Variants in SMYD1 observed in about 807,000 individuals in gnomAD.
The protein encoded by SMYD1 is histone-lysine N-methyltransferase SMYD1.
SMYD1 carries 49 observed loss-of-function variants against 54.0 expected under a neutral mutation model. The observed-to-expected ratio is 0.91, with a 90% confidence interval of 0.72 to 1.15. The LOEUF is 1.15. SMYD1 is among the 50% of genes most tolerant of loss of function. The probability of loss-of-function intolerance (pLI) is 0.00; values close to 1 mark genes in which losing one functional copy is unlikely to be tolerated. For synonymous variants in SMYD1, 269 were observed against 234.2 expected (o/e 1.15, Z -1.36); for missense variants, 653 against 639.6 (o/e 1.02, Z -0.23).
chr2:88,093,824 C>T (rs1041534318), intron 5 of SMYD1, among the ~76,000 whole-genome samples: 9 of 152,164 alleles, frequency 5.9e-5, no homozygotes, highest in African/African-American at 2.2e-4. Flanking sequence ...GAAGCATGAA[C>T]CCTTGTAGTC....
chr2:88,110,219 G>GTA (rs1674983456), intron 9 of SMYD1, 135 bp from the exon 10 acceptor site: 1 of 841,396 alleles, frequency 1.2e-6, no homozygotes, highest in East Asian at 2.7e-5. Context: ...GTGTGTGTGT[G>GTA]TGTGTGTGTG....
rs1465055852 is a variant in SMYD1 at position 88,111,853 on chromosome 2, C to T, written c.*1341C>T. The T allele has an allele frequency of 3.8e-5, 19 of 502,576 alleles. No homozygotes were observed. Among genetic ancestry groups the T allele is most frequent in the South Asian group, 3.2e-5 (1 of 31,456 alleles). 31.1% of individuals were successfully genotyped at this position (502,576 alleles called of 1,614,324 possible). ...CCTTCAGTTTGGGGTGTCACCAAGA[C>T]TTCTACACAACCCAGGACTACCATT... is the stretch of plus-strand genomic sequence containing the variant. On this transcript the variant is annotated 3_prime_UTR_variant, in exon 10 of 10. Transcript: ENST00000419482.
At chr2:88,107,953 C>T (rs897532705) in intron 8 of SMYD1, among the ~76,000 whole-genome samples, 1 of 152,240 alleles carries the variant, frequency 6.6e-6, no homozygotes, top group Non-Finnish European at 1.5e-5. Context: ...CACTGTCCTG[C>T]ACCCACTGTC....
intron 1 of SMYD1, among the ~76,000 whole-genome samples, chr2:88,076,772 T>G (rs1674076030): frequency 6.6e-6 from 1 of 152,154 alleles, no homozygotes; most frequent in Non-Finnish European, 1.5e-5. Context: ...TTTGGGAAGC[T>G]GAGGCAGGCG....
chr2:88,082,505 C>T (rs1674221732), intron 1 of SMYD1: 1 of 154,258 alleles, frequency 6.5e-6, no homozygotes. Flanking sequence ...CTATCCCCTT[C>T]CAGATGCCAT....
At chr2:88,109,244 G>A (rs186339101) in intron 9 of SMYD1, among the ~76,000 whole-genome samples, 209 of 134,328 alleles carry the variant, frequency 1.6e-3, no homozygotes, top group African/African-American at 5.6e-3. Context: ...CTGAGGAAGC[G>A]TAAACAATGG....
rs1675054439 is a variant in SMYD1, at chr2:88,112,642, T to C, written c.*2130T>C. 6.4e-6 allele frequency: 1 copy of C among 156,648 alleles called. No homozygotes were observed. The highest frequency in any genetic ancestry group is 1.9e-4 in the South Asian group (1 of 5,208). The allele number at this position is 156,648 out of a possible 1,614,324, so 9.7% of individuals were successfully genotyped here. ...CATTTCTTCTTGAATCCATTGCAGA[T>C]TGACTTCCACTCCCACTCCTTCACT... On this transcript the variant is annotated 3_prime_UTR_variant, in exon 10 of 10. Coordinates refer to ENST00000419482, the MANE Select transcript of SMYD1 (RefSeq NM_198274.4).
chr2:88,108,974 TG>T (rs941348426), intron 9 of SMYD1, among the ~76,000 whole-genome samples: 3 of 152,064 alleles, frequency 2.0e-5, no homozygotes, highest in Non-Finnish European at 2.9e-5. Context: ...TCCTACCAAG[TG>T]GGTGGCACTA....
intron 3 of SMYD1, 90 bp from the exon 4 acceptor site, chr2:88,090,922 G>T: frequency 1.4e-6 from 2 of 1,442,174 alleles, no homozygotes; most frequent in Middle Eastern, 1.8e-4. Context: ...GTGAGACTGG[G>T]TCTTCTGTTT....
At chr2:88,084,269 C>T (rs368719474) in intron 1 of SMYD1, 47 bp from the exon 2 acceptor site, 7 of 1,501,924 alleles carry the variant, frequency 4.7e-6, no homozygotes, top group Non-Finnish European at 6.4e-6. Context: ...TGCAGGGTGC[C>T]CTTTCCACTG....
At chr2:88,086,146 T>C (rs1273891497) in intron 2 of SMYD1, among the ~76,000 whole-genome samples, 1 of 152,232 alleles carries the variant, frequency 6.6e-6, no homozygotes, top group Non-Finnish European at 1.5e-5. Context: ...GGTGGGTTAA[T>C]ATTCTGGCTG....
At chr2:88,098,722 TC>T (rs1674656915) in intron 6 of SMYD1, among the ~76,000 whole-genome samples, 1 of 152,216 alleles carries the variant, frequency 6.6e-6, no homozygotes, top group Admixed American at 6.5e-5. Context: ...CCAAGTCTCT[TC>T]CTTCTGGGCC....
chr2:88,097,393 G>A (rs940699199), intron 6 of SMYD1, among the ~76,000 whole-genome samples: 5 of 152,160 alleles, frequency 3.3e-5, no homozygotes, highest in East Asian at 1.9e-4. Flanking sequence ...GAGCTGAGCC[G>A]CCAGGTGTCA....
Position 88,111,522 on chromosome 2 carries a change from A to G in SMYD1, c.*1010A>G, listed in dbSNP as rs1395410087. On this transcript the variant is annotated 3_prime_UTR_variant, in exon 10 of 10. Coordinates refer to ENST00000419482, the MANE Select transcript of SMYD1 (RefSeq NM_198274.4). Reference sequence around the variant, plus strand: ...AGCTTAGACTCTATCATGGGCCCCCATGAAGCTCCATTCTCAATACTGAAT... The same window carrying G: ...AGCTTAGACTCTATCATGGGCCCCCGTGAAGCTCCATTCTCAATACTGAAT... The G allele has an allele frequency of 2.0e-5, 3 of 152,954 alleles. No individual in the cohort carries two copies. The highest frequency in any genetic ancestry group is 4.4e-5 in the Non-Finnish European group (3 of 68,562). 9.5% of individuals were successfully genotyped at this position (152,954 alleles called of 1,614,324 possible). A position where few individuals can be genotyped will look rare whatever the true frequency, so the allele number is the denominator to read the frequency against.
chr2:88,095,515 T>G (rs1469878951), intron 5 of SMYD1, among the ~76,000 whole-genome samples: 1 of 152,230 alleles, frequency 6.6e-6, no homozygotes, highest in Non-Finnish European at 1.5e-5. Flanking sequence ...TCTCAGGTGC[T>G]GGAGTCTTGC....
intron 1 of SMYD1, among the ~76,000 whole-genome samples, chr2:88,071,298 T>G (rs1291885102): frequency 2.0e-5 from 3 of 152,220 alleles, no homozygotes; most frequent in African/African-American, 7.2e-5. Context: ...TTATTTGGCT[T>G]TAAAATATAA....
At position 88,088,065 on chromosome 2, in the gene SMYD1, T is replaced by A; in HGVS notation, c.518T>A (p.Ile173Asn). 3 of 1,613,262 alleles carry A rather than the reference T, an allele frequency of 1.9e-6. No homozygotes were observed. Among genetic ancestry groups the A allele is most frequent in the Non-Finnish European group, 2.5e-6 (3 of 1,179,492 alleles). The stretch of plus-strand genomic sequence containing the variant: ...TTCAGCATGCAGTACATCTCGCACA[T>A]CTTCGGAGTGGTAGGCCCCCTGCGT... ...QQFSMQYISH[I>N]FGVINCNGFT... is the part of the protein sequence containing the mutation. The change falls in exon 3 of 10, where the codon ATC becomes AAC. Residue 173 changes from isoleucine (I) to asparagine (N), a missense_variant. Transcript: ENST00000419482.
chr2:88,110,616 C>G lies in SMYD1; in HGVS notation c.*104C>G, dbSNP rs1675000139. 1.5e-6 allele frequency: 2 copies of G among 1,341,816 alleles called. No individual in the cohort carries two copies. Among genetic ancestry groups the G allele is most frequent in the African/African-American group, 1.5e-5 (1 of 67,228 alleles). The allele number at this position is 1,341,816 out of a possible 1,614,324, so 83.1% of individuals were successfully genotyped here. ...CCCTAATGAGGAAGTTGAGGTAATG[C>G]TTAACATTGTTGCTGTGAGAATTTA... On this transcript the variant is annotated 3_prime_UTR_variant, in exon 10 of 10. Transcript: ENST00000419482.
At chr2:88,084,186 G>A (rs1278176923) in intron 1 of SMYD1, 130 bp from the exon 2 acceptor site, 2 of 692,258 alleles carry the variant, frequency 2.9e-6, no homozygotes, top group East Asian at 2.8e-5. Context: ...ATTTTGGAAG[G>A]TGGAAATCTG....
Sources: allele counts gnomAD v4.1 joint callset (sites outside exome capture counted in the v4.1 genomes callset), GRCh38; gene constraint gnomAD v4.1.1; transcripts MANE v1.5; gene names NCBI Gene and HGNC (gene_info 2026-07-23, HGNC 2026-07-21).